The following NRXN1 variants were observed in gnomAD, a reference collection of about 807,000 sequenced individuals.
The protein encoded by NRXN1 is neurexin 1.
A neutral mutation model predicts 150.9 loss-of-function variants in NRXN1; 39 were observed. The ratio of observed to expected loss-of-function variants is 0.26; its 90% CI spans 0.20 to 0.34. The LOEUF (loss-of-function observed/expected upper bound fraction) is 0.34, where lower values mean the gene tolerates loss of function less well. Among genes scored for constraint, NRXN1 ranks in the 10% least tolerant of loss-of-function variants. The pLI, the probability that NRXN1 is intolerant of heterozygous loss-of-function variation, is 1.00. For missense variants in NRXN1, 1,815 were observed against 1,949.9 expected (o/e 0.93, Z 1.30); for synonymous variants, 924 against 757.0 (o/e 1.22, Z -3.62).
At chr2:50,397,714 G>T (rs2082136825) in intron 17 of NRXN1, among the ~76,000 whole-genome samples, 2 of 152,168 alleles carry the variant, frequency 1.3e-5, no homozygotes, top group South Asian at 2.1e-4. Context: ...AAAAGGATAG[G>T]CTCAAAGGAA....
At chr2:50,460,735 T>C (rs1405503352) in intron 17 of NRXN1, among the ~76,000 whole-genome samples, 7 of 152,080 alleles carry the variant, frequency 4.6e-5, no homozygotes, top group African/African-American at 1.7e-4. Context: ...TAATCCTTTA[T>C]CATTCACCTG....
intron 5 of NRXN1, among the ~76,000 whole-genome samples, chr2:50,716,667 C>T (rs1695907565): frequency 6.6e-6 from 1 of 152,086 alleles, no homozygotes; most frequent in African/African-American, 2.4e-5. Context: ...ATATACATCT[C>T]AATGTAATGG....
At chr2:50,158,015 A>G (rs555362454) in intron 18 of NRXN1, among the ~76,000 whole-genome samples, 177 of 151,324 alleles carry the variant, frequency 1.2e-3, no homozygotes, top group African/African-American at 4.2e-3. Flanking sequence ...AAAAAAAAAG[A>G]AATGAAGCTG....
intron 18 of NRXN1, among the ~76,000 whole-genome samples, chr2:50,183,905 G>A (rs2060901375): frequency 6.6e-6 from 1 of 151,856 alleles, no homozygotes; most frequent in Admixed American, 6.6e-5. Flanking sequence ...CACCGGTTGT[G>A]CTTTAAGTAA....
intron 17 of NRXN1, among the ~76,000 whole-genome samples, chr2:50,358,979 T>A (rs1181887409): frequency 6.6e-5 from 10 of 152,078 alleles, no homozygotes; most frequent in Admixed American, 5.9e-4. Context: ...CCAGCAGAAC[T>A]GCAGAAGACT....
At chr2:50,736,091 C>T (rs144611015) in intron 5 of NRXN1, among the ~76,000 whole-genome samples, 75 of 152,270 alleles carry the variant, frequency 4.9e-4, no homozygotes, top group African/African-American at 1.7e-3. Context: ...AAACAAAACA[C>T]CATTTCAATC....
intron 21 of NRXN1, among the ~76,000 whole-genome samples, chr2:50,007,596 G>A (rs949540844): frequency 2.0e-5 from 3 of 152,100 alleles, no homozygotes; most frequent in African/African-American, 7.2e-5. Flanking sequence ...ATTCCCTAGT[G>A]TATATGTGCC....
intron 10 of NRXN1, among the ~76,000 whole-genome samples, chr2:50,532,558 G>C (rs139009869): frequency 0.013 from 1,945 of 152,080 alleles, 47 homozygotes; most frequent in African/African-American, 0.044. Flanking sequence ...TTATAGAAGG[G>C]GAGTAACTTT....
intron 12 of NRXN1, among the ~76,000 whole-genome samples, chr2:50,513,812 A>G (rs1558862772): frequency 2.0e-5 from 3 of 152,188 alleles, no homozygotes; most frequent in South Asian, 2.1e-4. Flanking sequence ...GAAACTTGAA[A>G]AAAAACAAAA....
chr2:50,575,143 G>C (rs1671220009), intron 8 of NRXN1, among the ~76,000 whole-genome samples: 1 of 152,176 alleles, frequency 6.6e-6, no homozygotes, highest in African/African-American at 2.4e-5. Flanking sequence ...TGGTGATTTG[G>C]AAGATAACAT....
chr2:50,650,425 A>C (rs776080375), intron 5 of NRXN1, among the ~76,000 whole-genome samples: 10 of 152,064 alleles, frequency 6.6e-5, no homozygotes, highest in Non-Finnish European at 1.2e-4. Flanking sequence ...AATCCTCATA[A>C]GAAGCTGCTC....
intron 19 of NRXN1, among the ~76,000 whole-genome samples, chr2:50,081,027 T>C (rs1218083162): frequency 1.3e-5 from 2 of 152,168 alleles, no homozygotes; most frequent in Non-Finnish European, 2.9e-5. Context: ...ATACATAATT[T>C]TGTATACAAA....
intron 2 of NRXN1, among the ~76,000 whole-genome samples, chr2:50,986,288 A>G (rs1282678291): frequency 6.6e-6 from 1 of 151,810 alleles, no homozygotes; most frequent in Non-Finnish European, 1.5e-5. Context: ...AATTGGCAGT[A>G]GTTTGCTCTT....
intron 17 of NRXN1, among the ~76,000 whole-genome samples, chr2:50,384,515 A>AT (rs200768275): frequency 0.012 from 1,576 of 135,098 alleles, 64 homozygotes; most frequent in African/African-American, 0.043. Flanking sequence ...CAAAAAAAAA[A>AT]AAAAAAAAAA....
At chr2:50,548,584 T>C (rs1394910218) in intron 9 of NRXN1, among the ~76,000 whole-genome samples, 1 of 152,162 alleles carries the variant, frequency 6.6e-6, no homozygotes, top group Non-Finnish European at 1.5e-5. Context: ...CTGTACTACT[T>C]ACATGTTTTT....
At chr2:50,331,881 G>A (rs146012029) in intron 17 of NRXN1, among the ~76,000 whole-genome samples, 3 of 152,064 alleles carry the variant, frequency 2.0e-5, no homozygotes, top group Non-Finnish European at 4.4e-5. Context: ...TGCTAGGACC[G>A]TCTACATTAT....
At chr2:50,848,962 C>T (rs1281418070) in intron 5 of NRXN1, among the ~76,000 whole-genome samples, 1 of 152,144 alleles carries the variant, frequency 6.6e-6, no homozygotes, top group Non-Finnish European at 1.5e-5. Flanking sequence ...GGCGATTCCC[C>T]ACATACAGCG....
rs572893667 is a variant in NRXN1, at chr2:50,506,842, C to T, written c.2375-225G>A. ...TCATAGCAAGCAAGGAAAATGACAA[C>T]TTTTACAAACATTCAGGTGTGACCA... On this transcript the variant is annotated intron_variant, in intron 12 of 22. Transcript: ENST00000401669. 3.4e-4 allele frequency: 176 copies of T among 520,660 alleles called. 1 individual carries two copies. Among genetic ancestry groups the T allele is most frequent in the African/African-American group, 2.3e-3 (122 of 52,672 alleles). The allele number at this position is 520,660 out of a possible 1,614,324, so 32.3% of individuals were successfully genotyped here.
At chr2:50,539,236 TAAAC>T (rs2093337173) in intron 9 of NRXN1, among the ~76,000 whole-genome samples, 1 of 152,220 alleles carries the variant, frequency 6.6e-6, no homozygotes, top group African/African-American at 2.4e-5. Flanking sequence ...CTCTTAGTGT[TAAAC>T]AAAATAATAC....
Sources: allele counts gnomAD v4.1 joint callset (sites outside exome capture counted in the v4.1 genomes callset), GRCh38; gene constraint gnomAD v4.1.1; transcripts MANE v1.5; gene names NCBI Gene and HGNC (gene_info 2026-07-23, HGNC 2026-07-21).